The following PRELID2 variants were observed in gnomAD, a reference collection of about 807,000 sequenced individuals.
PRELID2 encodes the protein PRELI domain-containing protein 2.
A neutral mutation model predicts 28.4 loss-of-function variants in PRELID2; 25 were observed. That is an observed-to-expected ratio of 0.88 (90% CI 0.64 to 1.23). The LOEUF is 1.23. PRELID2 is among the 50% of genes most tolerant of loss of function. The pLI is 0.00. For missense variants in PRELID2, 201 were observed against 214.4 expected, an observed-to-expected ratio of 0.94 and a Z score of 0.39; for synonymous variants, 76 against 71.6, an observed-to-expected ratio of 1.06 and a Z score of -0.31.
chr5:145,543,992 C>CA (rs1330255099), intron 1 of PRELID2, among the ~76,000 whole-genome samples: 1 of 151,882 alleles, frequency 6.6e-6, no homozygotes, highest in Admixed American at 6.6e-5. Context: ...AGATCGACTC[C>CA]AAAAATCAGG....
In PRELID2 at chr5:145,820,030, A is replaced by AT; in HGVS notation, c.134-13dup. 6.7e-7 allele frequency: 1 copy of AT among 1,482,142 alleles called. No individual in the cohort carries two copies. Among genetic ancestry groups the AT allele is most frequent in the East Asian group, 2.3e-5 (1 of 43,946 alleles). 91.8% of individuals were successfully genotyped at this position (1,482,142 alleles called of 1,614,324 possible). ...CCCTGTTGATTCATCTAAAAAAGAA[A>AT]TTTTTTTACACAAAAAAAAATTAAA... On this transcript the variant is annotated splice_polypyrimidine_tract_variant and intron_variant, in intron 2 of 6. Transcript: ENST00000683046.
intron 1 of PRELID2, among the ~76,000 whole-genome samples, chr5:145,580,825 T>C (rs1561509987): frequency 6.6e-6 from 1 of 152,024 alleles, no homozygotes; most frequent in Non-Finnish European, 1.5e-5. Context: ...AATGTTGAAC[T>C]TGAATTACTG....
chr5:145,728,578 T>A (rs1004396758), intron 1 of PRELID2: 1 of 870,724 alleles, frequency 1.1e-6, no homozygotes, highest in African/African-American at 1.6e-5. Flanking sequence ...TTGTTGATCA[T>A]GGCAATTAAC....
chr5:145,744,558 A>G (rs1204525920), intron 1 of PRELID2, among the ~76,000 whole-genome samples: 1 of 152,134 alleles, frequency 6.6e-6, no homozygotes, highest in Non-Finnish European at 1.5e-5. Flanking sequence ...GCGGTAGTGA[A>G]CCAGATGAAT....
chr5:145,667,483 A>G (rs1336611650), intron 1 of PRELID2, among the ~76,000 whole-genome samples: 3 of 152,112 alleles, frequency 2.0e-5, no homozygotes. Flanking sequence ...CCCATTATAC[A>G]GGTGAAGACA....
the PRELID2 span, among the ~76,000 whole-genome samples, chr5:145,368,156 T>C: frequency 6.6e-6 from 1 of 151,994 alleles, no homozygotes; most frequent in African/African-American, 2.4e-5. Flanking sequence ...TTGAGGATAA[T>C]AACTTTGTCT....
chr5:145,700,786 C>G lies in PRELID2; in HGVS notation n.70+64145G>C, dbSNP rs76993921. On this transcript the variant is annotated intron_variant and non_coding_transcript_variant, in intron 1 of 2. Transcript: ENST00000510259. ...CACTGTAGCTCACAAATACCAATAT[C>G]GGTTCCACCTGCCACAGTGTGTCCT... is the stretch of plus-strand genomic sequence containing the variant. 4.2e-3 allele frequency among the ~76,000 whole-genome samples: 633 copies of G among 152,240 alleles called. 3 individuals are homozygous for G. Among genetic ancestry groups the G allele is most frequent in the African/African-American group, 0.014 (588 of 41,556 alleles).
rs1001481180 is a variant in PRELID2, at chr5:145,615,601, C to G, written n.71-142286G>C. On this transcript the variant is annotated intron_variant and non_coding_transcript_variant, in intron 1 of 2. Transcript: ENST00000510259. ...TCGGCCTCCCAAAGTGCTGGGATTA[C>G]AGGCGTGAGCCACCGCGCCCAGCCG... Among the ~76,000 whole-genome samples the G allele has an allele frequency of 6.9e-5, 8 of 116,352 alleles. No homozygotes were observed. In the East Asian group the frequency reaches 1.0e-3, roughly 15 times the overall value. The allele number at this position is 116,352 out of a possible 152,430, so 76.3% of individuals were successfully genotyped here.
At chr5:145,233,038 C>A in the PRELID2 span, among the ~76,000 whole-genome samples, 1 of 151,504 alleles carries the variant, frequency 6.6e-6, no homozygotes, top group Middle Eastern at 3.5e-3. Flanking sequence ...TACTACTACC[C>A]CTGCTATTTG....
the PRELID2 span, among the ~76,000 whole-genome samples, chr5:145,317,751 C>T: frequency 1.3e-5 from 2 of 152,164 alleles, no homozygotes; most frequent in African/African-American, 4.8e-5. Context: ...GTGACTTTGT[C>T]CCTGGGCTCC....
At chr5:145,601,283 GAAAT>G (rs1433560945) in intron 1 of PRELID2, among the ~76,000 whole-genome samples, 1 of 151,922 alleles carries the variant, frequency 6.6e-6, no homozygotes, top group Non-Finnish European at 1.5e-5. Flanking sequence ...TGAAAAAACT[GAAAT>G]AAATAAATTG....
At chr5:145,402,890 T>C in the PRELID2 span, among the ~76,000 whole-genome samples, 1 of 152,106 alleles carries the variant, frequency 6.6e-6, no homozygotes, top group African/African-American at 2.4e-5. Flanking sequence ...CAGCAAAGGA[T>C]TCAAAATGAC....
Position 145,760,295 on chromosome 5 carries a change from AT to A in PRELID2, c.*240del, listed in dbSNP as rs1264430609. 1 of 152,138 alleles carries A rather than the reference AT, an allele frequency of 6.6e-6. No homozygotes were observed. The highest frequency in any genetic ancestry group is 1.5e-5 in the Non-Finnish European group (1 of 68,030). 9.4% of individuals were successfully genotyped at this position (152,138 alleles called of 1,614,324 possible). A position where few individuals can be genotyped will look rare whatever the true frequency, so the allele number is the denominator to read the frequency against. ...TGTAAAATTATAAAGAGATTGTGTC[AT>A]AAAAATCCAGCAAGAAGGTCTTATC... On this transcript the variant is annotated 3_prime_UTR_variant, in exon 7 of 7. Transcript: ENST00000683046.
At chr5:145,752,255 C>T (rs1322561483), downstream of PRELID2, among the ~76,000 whole-genome samples, 1 of 152,196 alleles carries the variant, frequency 6.6e-6, no homozygotes, top group Non-Finnish European at 1.5e-5. Flanking sequence ...TCTCATAGCA[C>T]TTGACAGAAC....
the PRELID2 span, chr5:145,229,284 G>T: frequency 1.3e-6 from 1 of 753,324 alleles, no homozygotes; most frequent in Non-Finnish European, 2.5e-6. Context: ...TGGTTCAAGG[G>T]CCGCAGTGAC....
the PRELID2 span, among the ~76,000 whole-genome samples, chr5:145,434,040 A>G: frequency 2.0e-5 from 3 of 152,296 alleles, no homozygotes; most frequent in East Asian, 3.9e-4. Flanking sequence ...TACAAAATGG[A>G]CATGGCTGTA....
At chr5:145,233,329 T>C in the PRELID2 span, among the ~76,000 whole-genome samples, 2 of 152,124 alleles carry the variant, frequency 1.3e-5, no homozygotes, top group Non-Finnish European at 2.9e-5. Context: ...CACACATACA[T>C]AGTATTCCAG....
chr5:145,302,448 T>C, the PRELID2 span, among the ~76,000 whole-genome samples: 2 of 152,262 alleles, frequency 1.3e-5, no homozygotes, highest in East Asian at 1.9e-4. Context: ...AAATTTTATC[T>C]TTCTTGATAT....
chr5:145,364,469 T>C, the PRELID2 span, among the ~76,000 whole-genome samples: 133 of 152,114 alleles, frequency 8.7e-4, no homozygotes, highest in African/African-American at 3.0e-3. Context: ...GTCCTGTTCC[T>C]CCATTAGAAT....
Sources: gnomAD v4.1 joint callset for allele counts (sites outside exome capture counted in the v4.1 genomes callset) on GRCh38, gnomAD v4.1.1 for gene constraint, MANE v1.5 for transcripts, NCBI Gene and HGNC (gene_info 2026-07-23, HGNC 2026-07-21) for gene names.